Variants in SNX7 observed in about 807,000 individuals in gnomAD.
SNX7 encodes the protein sorting nexin-7.
Under a neutral mutation model 48.4 loss-of-function variants are expected in SNX7, and 35 were observed. The ratio of observed to expected loss-of-function variants is 0.72; its 90% CI spans 0.55 to 0.96. The LOEUF is 0.96. Ranked by LOEUF, SNX7 falls within the 40% of genes least tolerant of loss-of-function variation. The probability of loss-of-function intolerance (pLI) is 0.00; values close to 1 mark genes in which losing one functional copy is unlikely to be tolerated. For synonymous variants in SNX7, 190 were observed against 190.2 expected (o/e 1.00, Z 0.01); for missense variants, 553 against 548.9 (o/e 1.01, Z -0.07).
chr1:98,667,320 G>C (rs1649588134), intron 1 of SNX7, among the ~76,000 whole-genome samples: 1 of 152,130 alleles, frequency 6.6e-6, no homozygotes, highest in Non-Finnish European at 1.5e-5. Flanking sequence ...AGCTCCATTA[G>C]TCATTGTAAG....
At position 98,662,430 on chromosome 1, in the gene SNX7, C is replaced by T. The variant is rs1020633774; in HGVS notation, c.180+519C>T. The T allele has an allele frequency of 2.1e-5, 6 of 289,134 alleles. No homozygotes were observed. The Admixed American group carries it at 2.7e-4, about 13-fold the overall frequency. 17.9% of individuals were successfully genotyped at this position (289,134 alleles called of 1,614,324 possible). ...ATAGGTTCTAGGAAATCTCCCTGAA[C>T]AGGAGAAAACGGTTGTTTCTAACAG... On this transcript the variant is annotated intron_variant, in intron 1 of 8. Transcript: ENST00000306121.
intron 7 of SNX7, among the ~76,000 whole-genome samples, chr1:98,702,724 C>T (rs1292401064): frequency 6.6e-6 from 1 of 152,004 alleles, no homozygotes; most frequent in Non-Finnish European, 1.5e-5. Flanking sequence ...ACGTCTCTTG[C>T]CTGCCTCAGA....
chr1:98,662,026 C>G (rs1570471216), intron 1 of SNX7, 115 bp downstream of exon 1: 3 of 1,125,086 alleles, frequency 2.7e-6, no homozygotes, highest in African/African-American at 1.6e-5. Flanking sequence ...TGGCTCTGAG[C>G]TGGGGACGAG....
chr1:98,689,750 G>A (rs146223747), intron 2 of SNX7, among the ~76,000 whole-genome samples: 1 of 152,168 alleles, frequency 6.6e-6, no homozygotes, highest in African/African-American at 2.4e-5. Flanking sequence ...GGGTGCATAT[G>A]TATGTGTGCA....
At chr1:98,720,721 A>G (rs1652821223) in intron 7 of SNX7, among the ~76,000 whole-genome samples, 1 of 152,132 alleles carries the variant, frequency 6.6e-6, no homozygotes, top group African/African-American at 2.4e-5. Flanking sequence ...TATTGGTACC[A>G]TTTTGGACGG....
At chr1:98,731,977 A>C (rs1156508957) in intron 7 of SNX7, among the ~76,000 whole-genome samples, 1 of 152,112 alleles carries the variant, frequency 6.6e-6, no homozygotes, top group Non-Finnish European at 1.5e-5. Context: ...TAGCACTTCA[A>C]AATGCAGATG....
intron 7 of SNX7, among the ~76,000 whole-genome samples, chr1:98,734,277 T>G (rs1410465015): frequency 2.6e-5 from 4 of 152,166 alleles, no homozygotes; most frequent in Non-Finnish European, 4.4e-5. Flanking sequence ...TGTATCCCAT[T>G]CTACTTTTTA....
chr1:98,713,102 A>AAAAAAC (rs1652403809), intron 7 of SNX7, among the ~76,000 whole-genome samples: 1 of 151,854 alleles, frequency 6.6e-6, no homozygotes, highest in Non-Finnish European at 1.5e-5. Flanking sequence ...AGGAAAAAAA[A>AAAAAAC]AAAAAAAAAA....
At chr1:98,668,038 T>C (rs1649637489) in intron 1 of SNX7, among the ~76,000 whole-genome samples, 1 of 152,112 alleles carries the variant, frequency 6.6e-6, no homozygotes, top group Non-Finnish European at 1.5e-5. Context: ...CTCTTATAGG[T>C]TAAGTATTCT....
At chr1:98,708,956 G>A (rs1652157896) in intron 7 of SNX7, among the ~76,000 whole-genome samples, 1 of 152,156 alleles carries the variant, frequency 6.6e-6, no homozygotes, top group South Asian at 2.1e-4. Flanking sequence ...TCCCAACAGA[G>A]CAGTCTCTGT....
rs376728157 is a variant in SNX7 at position 98,691,511 on chromosome 1, C to T, written c.475-24C>T. ...ACCTATGGCTAATAATACTTGAATA[C>T]CTTTTTAATTTTTTTTGCCTTAGCC... On this transcript the variant is annotated intron_variant, in intron 3 of 8. Coordinates refer to ENST00000306121, the MANE Select transcript of SNX7 (RefSeq NM_015976.5). 5 of 1,547,354 alleles carry T rather than the reference C, an allele frequency of 3.2e-6. No individual in the cohort carries two copies. In the African/African-American group the frequency reaches 7.0e-5, roughly 22 times the overall value.
Position 98,704,675 on chromosome 1 carries a change from G to A in SNX7, c.1125+2772G>A, listed in dbSNP as rs554960383. Among the ~76,000 whole-genome samples, 3 of 152,264 alleles carry A rather than the reference G, an allele frequency of 2.0e-5. No individual in the cohort carries two copies. In the East Asian group the frequency reaches 5.8e-4, roughly 29 times the overall value. On this transcript the variant is annotated intron_variant, in intron 7 of 8. Transcript: ENST00000306121. ...CAGTCACCATGGCGACCCTGGCAGA[G>A]AACTGAATATAGCTGTCTGCCTGGT...
chr1:98,706,028 A>T (rs113363682), intron 7 of SNX7, among the ~76,000 whole-genome samples: 51 of 152,262 alleles, frequency 3.3e-4, no homozygotes, highest in African/African-American at 1.2e-3. Flanking sequence ...AGAAATCTGG[A>T]GGTGTGCAGC....
intron 7 of SNX7, among the ~76,000 whole-genome samples, chr1:98,728,082 T>C (rs1450385636): frequency 6.6e-6 from 1 of 152,052 alleles, no homozygotes; most frequent in African/African-American, 2.4e-5. Flanking sequence ...AGACACATAA[T>C]CTTCAGATTC....
upstream of SNX7, chr1:98,661,638 C>T (rs370632186): frequency 5.4e-5 from 58 of 1,081,360 alleles, no homozygotes; most frequent in African/African-American, 9.4e-4. Context: ...CGGGGCCGGC[C>T]GGGGAGGTGC....
chr1:98,759,499 C>G (rs1018519165), intron 8 of SNX7, among the ~76,000 whole-genome samples: 4 of 152,052 alleles, frequency 2.6e-5, no homozygotes, highest in Admixed American at 2.6e-4. Context: ...CCAGTCCCAA[C>G]AGACCATCAT....
At chr1:98,754,294 A>G (rs1023198225) in intron 8 of SNX7, among the ~76,000 whole-genome samples, 2 of 152,058 alleles carry the variant, frequency 1.3e-5, no homozygotes, top group South Asian at 2.1e-4. Flanking sequence ...TTTTGCATCT[A>G]TGTTTAGGAG....
chr1:98,708,538 A>G (rs1652134398), intron 7 of SNX7, among the ~76,000 whole-genome samples: 1 of 152,144 alleles, frequency 6.6e-6, no homozygotes. Context: ...TAAAACACTA[A>G]TAAATGCTGG....
At chr1:98,714,770 C>T (rs772771614) in intron 7 of SNX7, among the ~76,000 whole-genome samples, 3 of 152,070 alleles carry the variant, frequency 2.0e-5, no homozygotes, top group South Asian at 2.1e-4. Flanking sequence ...AGGACAGAGG[C>T]GCAGCACTAT....
Sources: allele counts gnomAD v4.1 joint callset (sites outside exome capture counted in the v4.1 genomes callset), GRCh38; gene constraint gnomAD v4.1.1; transcripts MANE v1.5; gene names NCBI Gene and HGNC (gene_info 2026-07-23, HGNC 2026-07-21).